The following LRRIQ1 variants were observed in gnomAD, a reference collection of about 807,000 sequenced individuals.
The protein encoded by LRRIQ1 is leucine-rich repeat- and IQ domain-containing protein 1.
LRRIQ1 carries 210 observed loss-of-function variants against 211.9 expected under a neutral mutation model. The ratio of observed to expected loss-of-function variants is 0.99; its 90% CI spans 0.89 to 1.11. LRRIQ1 has a LOEUF of 1.11. Among genes scored for constraint, LRRIQ1 ranks in the 50% most tolerant of loss-of-function variants. The probability of loss-of-function intolerance (pLI) is 0.00; values close to 1 mark genes in which losing one functional copy is unlikely to be tolerated. For missense variants in LRRIQ1, 2,136 were observed against 1,939.5 expected (o/e 1.10, Z -1.90); for synonymous variants, 699 against 650.1 (o/e 1.08, Z -1.14).
At chr12:85,154,140 G>A (rs763880480) in intron 23 of LRRIQ1, 46 bp downstream of exon 23, 2 of 1,021,338 alleles carry the variant, frequency 2.0e-6, no homozygotes, top group South Asian at 2.0e-5. Context: ...ATGGAAAATT[G>A]AAGATAACTT....
intron 26 of LRRIQ1, among the ~76,000 whole-genome samples, chr12:85,235,499 G>A (rs1895134839): frequency 6.6e-6 from 1 of 152,138 alleles, no homozygotes. Context: ...AGACCCTTTT[G>A]GGTTGTCCTA....
At chr12:85,085,826 A>T (rs1884760223) in intron 11 of LRRIQ1, among the ~76,000 whole-genome samples, 1 of 152,070 alleles carries the variant, frequency 6.6e-6, no homozygotes, top group Admixed American at 6.6e-5. Flanking sequence ...CATTTTCTTT[A>T]TCCAGTTCCC....
chr12:85,190,670 T>C (rs1451824651), intron 24 of LRRIQ1, among the ~76,000 whole-genome samples: 1 of 151,850 alleles, frequency 6.6e-6, no homozygotes, highest in African/African-American at 2.4e-5. Context: ...TCTACCACTT[T>C]AAATGTTATA....
rs1188279056 is a variant in LRRIQ1, at chr12:85,056,371, A to T, written c.1578A>T (p.Pro526=). The T allele has an allele frequency of 6.3e-7, 1 of 1,591,928 alleles. No individual in the cohort carries two copies. The highest frequency in any genetic ancestry group is 8.5e-7 in the Non-Finnish European group (1 of 1,174,404). ...DLKGNLKEQF[P]LQELKSDAQK... ...AAGGAAATCTGAAAGAACAGTTTCCATTGCAAGAATTAAAGTCTGATGCAC... is the reference window on the plus strand; with the variant it reads ...AAGGAAATCTGAAAGAACAGTTTCCTTTGCAAGAATTAAAGTCTGATGCAC... The change falls in exon 8 of 27, where the codon CCA becomes CCT. Residue 526 remains proline, a synonymous_variant. Coordinates refer to ENST00000393217, the MANE Select transcript of LRRIQ1 (RefSeq NM_001079910.2).
chr12:85,262,600 A>G (rs186997188), intron 1 of LRRIQ1, among the ~76,000 whole-genome samples: 28 of 152,196 alleles, frequency 1.8e-4, no homozygotes, highest in Admixed American at 1.6e-3. Context: ...TAAGTACCTT[A>G]AAACTAAGAA....
intron 1 of LRRIQ1, among the ~76,000 whole-genome samples, chr12:85,256,589 T>G (rs1896101983): frequency 6.6e-6 from 1 of 151,656 alleles, no homozygotes; most frequent in African/African-American, 2.4e-5. Context: ...TGAAAAATTT[T>G]TGGGAGATCT....
chr12:85,226,525 T>G (rs1435403431), intron 24 of LRRIQ1, among the ~76,000 whole-genome samples: 2 of 151,008 alleles, frequency 1.3e-5, no homozygotes, highest in Admixed American at 1.3e-4. Context: ...ATTTTTTTTC[T>G]ACTTCCTTTT....
chr12:85,068,097 A>G (rs1234138675), intron 10 of LRRIQ1, among the ~76,000 whole-genome samples: 2 of 151,920 alleles, frequency 1.3e-5, no homozygotes, highest in African/African-American at 4.8e-5. Flanking sequence ...TGAAATTCTC[A>G]AGGGCCTTGG....
chr12:85,254,972 A>G (rs1896047012), intron 1 of LRRIQ1, among the ~76,000 whole-genome samples: 1 of 151,920 alleles, frequency 6.6e-6, no homozygotes, highest in Non-Finnish European at 1.5e-5. Context: ...AATTAGAAAA[A>G]TCATGTTGGA....
intron 14 of LRRIQ1, among the ~76,000 whole-genome samples, chr12:85,105,610 T>TA (rs1886718714): frequency 1.3e-5 from 2 of 149,972 alleles, no homozygotes; most frequent in African/African-American, 2.5e-5. Context: ...ACATTGTAGA[T>TA]AATTCTACAT....
intron 11 of LRRIQ1, among the ~76,000 whole-genome samples, chr12:85,094,834 A>G (rs1278666130): frequency 6.6e-6 from 1 of 151,804 alleles, no homozygotes; most frequent in Non-Finnish European, 1.5e-5. Flanking sequence ...CATTCTGGTT[A>G]GATATATTGC....
intron 24 of LRRIQ1, among the ~76,000 whole-genome samples, chr12:85,199,785 A>G (rs1178020971): frequency 1.3e-5 from 2 of 152,054 alleles, no homozygotes; most frequent in African/African-American, 4.8e-5. Context: ...AAGAAACTGC[A>G]CCCATGATTT....
At chr12:85,232,151 AC>A (rs528142084) in intron 25 of LRRIQ1, among the ~76,000 whole-genome samples, 1 of 152,098 alleles carries the variant, frequency 6.6e-6, no homozygotes, top group South Asian at 2.1e-4. Context: ...TTGTTAATAA[AC>A]TTTCTCCTTT....
chr12:85,216,047 G>C (rs1402197667), intron 24 of LRRIQ1, among the ~76,000 whole-genome samples: 1 of 152,160 alleles, frequency 6.6e-6, no homozygotes, highest in African/African-American at 2.4e-5. Context: ...TTTGCTTTAA[G>C]TTCTGAGGTA....
Position 85,046,125 on chromosome 12 carries a change from C to CT in LRRIQ1, c.442_443insT (p.His148LeufsTer6). ...TCCTCATGACTTGCCTATGGATGAA[C>CT]ATGTTTTACCAGGTGGACTAAATTG... On this transcript the variant is annotated frameshift_variant, in exon 5 of 27. Coordinates refer to ENST00000393217, the MANE Select transcript of LRRIQ1 (RefSeq NM_001079910.2). LOFTEE classifies it high-confidence loss of function. 1 of 1,587,024 alleles carries CT rather than the reference C, an allele frequency of 6.3e-7. No homozygotes were observed. Among genetic ancestry groups the CT allele is most frequent in the African/African-American group, 1.3e-5 (1 of 74,404 alleles).
At chr12:85,087,230 A>G (rs1667398381) in intron 11 of LRRIQ1, among the ~76,000 whole-genome samples, 1 of 152,002 alleles carries the variant, frequency 6.6e-6, no homozygotes, top group Admixed American at 6.6e-5. Context: ...GCTCAGAATG[A>G]TGGTTTCCAG....
chr12:85,045,190 A>C (rs1328421239), intron 4 of LRRIQ1, among the ~76,000 whole-genome samples: 1 of 152,008 alleles, frequency 6.6e-6, no homozygotes, highest in East Asian at 1.9e-4. Flanking sequence ...TAGAAAATTT[A>C]AATTTACAAT....
At chr12:85,206,483 A>T (rs191117667) in intron 24 of LRRIQ1, among the ~76,000 whole-genome samples, 12 of 152,230 alleles carry the variant, frequency 7.9e-5, no homozygotes, top group Admixed American at 5.9e-4. Flanking sequence ...GTATGCTTGC[A>T]CTGACAGCAA....
At chr12:85,091,694 G>C (rs1339079737) in intron 11 of LRRIQ1, among the ~76,000 whole-genome samples, 1 of 152,116 alleles carries the variant, frequency 6.6e-6, no homozygotes, top group Non-Finnish European at 1.5e-5. Context: ...AAAAGTAAAG[G>C]TCCGGTTTTA....
Sources: gnomAD v4.1 joint callset for allele counts (sites outside exome capture counted in the v4.1 genomes callset) on GRCh38, gnomAD v4.1.1 for gene constraint, MANE v1.5 for transcripts, NCBI Gene and HGNC (gene_info 2026-07-23, HGNC 2026-07-21) for gene names.